The following RAPGEF5 variants were observed in gnomAD, a reference collection of about 807,000 sequenced individuals.
RAPGEF5 encodes the protein M-Ras-regulated GEF.
RAPGEF5 carries 65 observed loss-of-function variants against 125.2 expected under a neutral mutation model. That is an observed-to-expected ratio of 0.52 (90% CI 0.43 to 0.64). The LOEUF (loss-of-function observed/expected upper bound fraction) is 0.64, where lower values mean the gene tolerates loss of function less well. Ranked by LOEUF, RAPGEF5 falls within the 30% of genes least tolerant of loss-of-function variation. RAPGEF5 has a pLI of 0.00. For synonymous variants in RAPGEF5, 391 were observed against 385.9 expected, an observed-to-expected ratio of 1.01 and a Z score of -0.16; for missense variants, 958 against 1,048.1, an observed-to-expected ratio of 0.91 and a Z score of 1.19.
intron 23 of RAPGEF5, among the ~76,000 whole-genome samples, chr7:22,134,641 A>G (rs2128101131): frequency 6.6e-6 from 1 of 152,312 alleles, no homozygotes; most frequent in Non-Finnish European, 1.5e-5. Context: ...TTCTTCCTGC[A>G]ATCAATTCCT....
intron 16 of RAPGEF5, 132 bp from the exon 17 acceptor site, chr7:22,154,736 C>T (rs78915074): frequency 0.021 from 19,974 of 935,428 alleles, 292 homozygotes; most frequent in Middle Eastern, 0.056. Flanking sequence ...ATAACACATA[C>T]AGAGTTAGAT....
chr7:22,122,454 G>C lies in RAPGEF5; in HGVS notation c.2604C>G (p.Ser868Arg). The change falls in exon 26 of 26, where the codon AGC (serine) becomes AGG (arginine). Residue 868 changes from serine to arginine, a missense_variant. Ser to Arg is a moderately radical substitution (Grantham distance 110). Transcript: ENST00000665637. ...GTGAGAGCTCAAACAGAGCCTGCTG[G>C]CTGTCAATGACATACAGGTGATTAA... is the stretch of plus-strand genomic sequence containing the variant. ...SYVNHLYVID[S>R]QQALFELSHR... The C allele has an allele frequency of 6.2e-7, 1 of 1,613,904 alleles. No individual in the cohort carries two copies. The highest frequency in any genetic ancestry group is 8.5e-7 in the Non-Finnish European group (1 of 1,179,850).
chr7:22,209,850 A>G (rs938554661), intron 9 of RAPGEF5, among the ~76,000 whole-genome samples: 1 of 152,238 alleles, frequency 6.6e-6, no homozygotes, highest in African/African-American at 2.4e-5. Flanking sequence ...CTAACAAACT[A>G]AAGAATTACA....
intron 11 of RAPGEF5, among the ~76,000 whole-genome samples, chr7:22,187,943 C>A (rs1178710286): frequency 6.6e-6 from 1 of 152,218 alleles, no homozygotes; most frequent in Non-Finnish European, 1.5e-5. Context: ...CTCAGCCCAA[C>A]TGAATTAGGA....
At chr7:22,260,056 T>C (rs1223645004) in intron 7 of RAPGEF5, among the ~76,000 whole-genome samples, 1 of 151,372 alleles carries the variant, frequency 6.6e-6, no homozygotes, top group Non-Finnish European at 1.5e-5. Context: ...TGCACTCACT[T>C]CAGTCTGGGC....
At chr7:22,180,835 C>T (rs1329731355) in intron 11 of RAPGEF5, among the ~76,000 whole-genome samples, 3 of 152,120 alleles carry the variant, frequency 2.0e-5, no homozygotes, top group Non-Finnish European at 4.4e-5. Flanking sequence ...AATGTGCTGA[C>T]GAAGACACAG....
At chr7:22,185,357 C>CT (rs1435794696) in intron 11 of RAPGEF5, among the ~76,000 whole-genome samples, 1 of 152,182 alleles carries the variant, frequency 6.6e-6, no homozygotes. Context: ...GTTCTCATAG[C>CT]TAGAAGGGTC....
intron 2 of RAPGEF5, among the ~76,000 whole-genome samples, chr7:22,316,593 C>T (rs1224156640): frequency 1.3e-5 from 2 of 148,742 alleles, no homozygotes; most frequent in Non-Finnish European, 3.0e-5. Flanking sequence ...CAAGCTCAGT[C>T]GATCCTCCCA....
chr7:22,272,868 C>T (rs1782467778), intron 6 of RAPGEF5, among the ~76,000 whole-genome samples: 2 of 152,082 alleles, frequency 1.3e-5, no homozygotes, highest in African/African-American at 2.4e-5. Flanking sequence ...GCAATCCTCC[C>T]ACCTCAGTCT....
intron 6 of RAPGEF5, among the ~76,000 whole-genome samples, chr7:22,273,039 C>T (rs899621070): frequency 2.0e-5 from 3 of 152,074 alleles, no homozygotes; most frequent in Non-Finnish European, 4.4e-5. Flanking sequence ...GGATTGCAGG[C>T]GTGAGCCACC....
chr7:22,128,068 A>C (rs1782803254), intron 24 of RAPGEF5, among the ~76,000 whole-genome samples: 1 of 152,098 alleles, frequency 6.6e-6, no homozygotes, highest in African/African-American at 2.4e-5. Flanking sequence ...ATTGATTTCT[A>C]TCATATGCCA....
chr7:22,333,973 G>A (rs182026944), intron 1 of RAPGEF5, among the ~76,000 whole-genome samples: 5 of 151,754 alleles, frequency 3.3e-5, no homozygotes, highest in Admixed American at 2.6e-4. Flanking sequence ...AAGGAGAGTC[G>A]GCTGCGCCGT....
At chr7:22,295,959 T>G (rs1020273410) in intron 5 of RAPGEF5, among the ~76,000 whole-genome samples, 2 of 151,938 alleles carry the variant, frequency 1.3e-5, no homozygotes, top group African/African-American at 4.8e-5. Flanking sequence ...CCAAGGGATG[T>G]CTCATGTTGC....
chr7:22,142,688 A>T (rs916086526), intron 20 of RAPGEF5, among the ~76,000 whole-genome samples: 1 of 152,382 alleles, frequency 6.6e-6, no homozygotes, highest in African/African-American at 2.4e-5. Flanking sequence ...CGATAAGAAC[A>T]GACTGTCTGA....
chr7:22,129,816 A>G (rs1028938088), intron 24 of RAPGEF5, among the ~76,000 whole-genome samples: 1 of 152,162 alleles, frequency 6.6e-6, no homozygotes, highest in African/African-American at 2.4e-5. Context: ...ATATTCCAAG[A>G]CTGTATTCTA....
chr7:22,302,672 C>G (rs1267939012), intron 5 of RAPGEF5, among the ~76,000 whole-genome samples: 1 of 152,100 alleles, frequency 6.6e-6, no homozygotes, highest in African/African-American at 2.4e-5. Flanking sequence ...AATACAGAGA[C>G]TGGGCTCTTT....
chr7:22,343,245 C>T (rs1444758132), intron 1 of RAPGEF5, among the ~76,000 whole-genome samples: 2 of 152,072 alleles, frequency 1.3e-5, no homozygotes, highest in Non-Finnish European at 2.9e-5. Flanking sequence ...ACAAGAACAG[C>T]ACAGGAAAGA....
chr7:22,255,742 G>GA (rs1786743926), intron 7 of RAPGEF5, among the ~76,000 whole-genome samples: 2 of 152,072 alleles, frequency 1.3e-5, no homozygotes, highest in South Asian at 2.1e-4. Context: ...TAGAAAGAGA[G>GA]AAAAAATGTT....
rs916334375 is a variant in RAPGEF5 at position 22,309,905 on chromosome 7, A to G, written c.511+64T>C. On this transcript the variant is annotated intron_variant, in intron 4 of 25. Coordinates refer to ENST00000665637, the MANE Select transcript of RAPGEF5 (RefSeq NM_012294.5). ...GACTGTAACATCCTCTAGAAAATCA[A>G]GTGTATTTTCATCTGATAGCTTAAT... is the stretch of plus-strand genomic sequence containing the variant. 3.4e-6 allele frequency: 5 copies of G among 1,465,952 alleles called. No individual in the cohort carries two copies. The Admixed American group carries it at 8.1e-5, about 24-fold the overall frequency. 90.8% of individuals were successfully genotyped at this position (1,465,952 alleles called of 1,614,324 possible). A position where few individuals can be genotyped will look rare whatever the true frequency, so the allele number is the denominator to read the frequency against.
Sources: allele counts gnomAD v4.1 joint callset (sites outside exome capture counted in the v4.1 genomes callset), GRCh38; gene constraint gnomAD v4.1.1; transcripts MANE v1.5; gene names NCBI Gene and HGNC (gene_info 2026-07-23, HGNC 2026-07-21).